BTBD1: variants seen among roughly 807,000 people sequenced by gnomAD.
BTBD1 encodes the protein BTB domain containing 1.
BTBD1 carries 34 observed loss-of-function variants against 48.0 expected under a neutral mutation model. The observed-to-expected ratio is 0.71, with a 90% CI of 0.54 to 0.94. The LOEUF is 0.94. BTBD1 is among the 40% of genes least tolerant of loss of function. The probability of loss-of-function intolerance (pLI) is 0.00; values close to 1 mark genes in which losing one functional copy is unlikely to be tolerated. For synonymous variants in BTBD1, 261 were observed against 242.1 expected (o/e 1.08, Z -0.72); for missense variants, 543 against 625.6 (o/e 0.87, Z 1.41).
At chr15:83,066,202 G>A (rs1252481667) in intron 1 of BTBD1, among the ~76,000 whole-genome samples, 1 of 152,116 alleles carries the variant, frequency 6.6e-6, no homozygotes, top group African/African-American at 2.4e-5. Context: ...GGGAGGCTGA[G>A]GTCGGAGCAT....
In BTBD1 at chr15:83,020,755, CTG is replaced by C; in HGVS notation, c.1061_1062del (p.Thr354SerfsTer2). 3 of 1,593,080 alleles carry C rather than the reference CTG, an allele frequency of 1.9e-6. No homozygotes were observed. The highest frequency in any genetic ancestry group is 1.7e-6 in the Non-Finnish European group (2 of 1,162,610). On this transcript the variant is annotated frameshift_variant, in exon 6 of 8. Coordinates refer to ENST00000261721, the MANE Select transcript of BTBD1 (RefSeq NM_025238.4). LOFTEE classifies it high-confidence loss of function. ...CCAACTATAGAGATCCTTCTATTAA[CTG>C]TGAATCTGAGAGAAAGAAGCCAAAA... ...YSGTSDRIRF[T>X]VNRRISIVGF...
At chr15:83,061,548 C>T (rs764838411) in intron 1 of BTBD1, 1 of 148,148 alleles carries the variant, frequency 6.8e-6, no homozygotes, top group Non-Finnish European at 1.5e-5. Context: ...CAGATTGTGG[C>T]AGAGTGACAT....
At chr15:83,061,560 G>A (rs1052762690) in intron 1 of BTBD1, 3 of 151,824 alleles carry the variant, frequency 2.0e-5, no homozygotes, top group Non-Finnish European at 4.4e-5. Context: ...GAGTGACATT[G>A]CACCAGTCTG....
intron 6 of BTBD1, among the ~76,000 whole-genome samples, chr15:83,019,072 T>G (rs559251772): frequency 2.7e-5 from 4 of 150,050 alleles, no homozygotes; most frequent in African/African-American, 4.9e-5. Flanking sequence ...GTGTGTGTGT[T>G]TTTGAGACAG....
intron 3 of BTBD1, among the ~76,000 whole-genome samples, chr15:83,044,084 G>C (rs2032822156): frequency 6.6e-6 from 1 of 152,108 alleles, no homozygotes; most frequent in Non-Finnish European, 1.5e-5. Context: ...AAGACGTTAA[G>C]CACTTGAAAA....
At chr15:83,062,268 G>GA (rs1419841540) in intron 1 of BTBD1, among the ~76,000 whole-genome samples, 1 of 152,198 alleles carries the variant, frequency 6.6e-6, no homozygotes, top group African/African-American at 2.4e-5. Flanking sequence ...GATGAATGGA[G>GA]AGAGTTAAGT....
intron 1 of BTBD1, among the ~76,000 whole-genome samples, chr15:83,065,075 G>A (rs1388810216): frequency 6.6e-6 from 1 of 152,124 alleles, no homozygotes. Context: ...GTCATATTTA[G>A]TGACTGCATT....
intron 3 of BTBD1, chr15:83,044,534 C>T (rs1596438761): frequency 4.4e-6 from 7 of 1,591,896 alleles, no homozygotes; most frequent in African/African-American, 1.3e-5. Context: ...CCATAAAAAC[C>T]GAGAGCACTT....
intron 5 of BTBD1, chr15:83,029,888 G>GT (rs1300418284): frequency 8.8e-6 from 4 of 455,844 alleles, no homozygotes; most frequent in African/African-American, 2.0e-5. Flanking sequence ...AAAAAATCAC[G>GT]TAACAGAAGG....
In BTBD1 at chr15:83,017,491, A is replaced by G. The variant is rs995055102; in HGVS notation, c.*576T>C. ...ATATCCTTCTCTATAAATGCACTGA[A>G]TATTTTCTTGGGCATTTTATTAGGC... On this transcript the variant is annotated 3_prime_UTR_variant, in exon 8 of 8. Coordinates refer to ENST00000261721, the MANE Select transcript of BTBD1 (RefSeq NM_025238.4). The G allele has an allele frequency of 2.6e-5, 4 of 152,678 alleles. No homozygotes were observed. Among genetic ancestry groups the G allele is most frequent in the African/African-American group, 9.6e-5 (4 of 41,462 alleles). 9.5% of individuals were successfully genotyped at this position (152,678 alleles called of 1,614,324 possible).
At position 83,040,004 on chromosome 15, in the gene BTBD1, CACACACACACACGG is replaced by C. The variant is rs1596435062; in HGVS notation, c.862+1710_862+1723del. Reference sequence around the variant, plus strand: ...AATGTGACACACACACACACACACACACACACACACACGGACACACACACACCACAGAATACTAT... The same window carrying C: ...AATGTGACACACACACACACACACACACACACACACACCACAGAATACTAT... On this transcript the variant is annotated intron_variant, in intron 4 of 7. Coordinates refer to ENST00000261721, the MANE Select transcript of BTBD1 (RefSeq NM_025238.4). Among the ~76,000 whole-genome samples the C allele has an allele frequency of 4.0e-5, 6 of 150,312 alleles. No homozygotes were observed. In the East Asian group the frequency reaches 9.7e-4, roughly 24 times the overall value.
chr15:83,058,624 A>G lies in BTBD1; in HGVS notation c.402-2079T>C, dbSNP rs533048743. Among the ~76,000 whole-genome samples, 15 of 149,602 alleles carry G rather than the reference A, an allele frequency of 1.0e-4. No individual in the cohort carries two copies. In the East Asian group the frequency reaches 2.7e-3, roughly 27 times the overall value. On this transcript the variant is annotated intron_variant, in intron 1 of 7. Transcript: ENST00000261721. ...ACTTAAAAAAATTTTTTTTTAATTA[A>G]AAAAAAAAAGAAATTTTTGTTTGAA... is the stretch of plus-strand genomic sequence containing the variant.
chr15:83,031,098 G>A (rs1046074056), intron 4 of BTBD1, among the ~76,000 whole-genome samples: 4 of 152,244 alleles, frequency 2.6e-5, no homozygotes, highest in African/African-American at 7.2e-5. Flanking sequence ...TTGAGGAATC[G>A]CCACACTATC....
intron 4 of BTBD1, among the ~76,000 whole-genome samples, chr15:83,035,138 A>G (rs1185670739): frequency 1.3e-5 from 2 of 152,036 alleles, no homozygotes; most frequent in African/African-American, 4.8e-5. Flanking sequence ...TACTAAAAAT[A>G]TAAAAATTAG....
rs989496540 is a variant in BTBD1, at chr15:83,030,490, A to G, written c.863-162T>C. ...TGCATATATTTTAAGGTTTCAATAA[A>G]TCCATTTGAGGTTAAACACATTAAT... is the stretch of plus-strand genomic sequence containing the variant. On this transcript the variant is annotated intron_variant, in intron 4 of 7. Coordinates refer to ENST00000261721, the MANE Select transcript of BTBD1 (RefSeq NM_025238.4). 12 of 613,142 alleles carry G rather than the reference A, an allele frequency of 2.0e-5. No homozygotes were observed. In the African/African-American group the frequency reaches 2.2e-4, roughly 11 times the overall value. The allele number at this position is 613,142 out of a possible 1,614,324, so 38.0% of individuals were successfully genotyped here.
intron 6 of BTBD1, among the ~76,000 whole-genome samples, chr15:83,019,799 GT>G (rs1211928912): frequency 6.6e-5 from 10 of 151,262 alleles, no homozygotes; most frequent in Non-Finnish European, 1.2e-4. Context: ...GTTTCACCAT[GT>G]TGGCCAGGCT....
At chr15:83,027,287 C>T (rs573480197) in intron 5 of BTBD1, among the ~76,000 whole-genome samples, 2 of 152,274 alleles carry the variant, frequency 1.3e-5, no homozygotes, top group African/African-American at 4.8e-5. Context: ...GGGAGGTGGA[C>T]GTTGCAGTGA....
At chr15:83,034,544 G>A (rs1462804289) in intron 4 of BTBD1, among the ~76,000 whole-genome samples, 1 of 152,190 alleles carries the variant, frequency 6.6e-6, no homozygotes, top group African/African-American at 2.4e-5. Flanking sequence ...AACCCAGAAG[G>A]TGGACGTTGC....
intron 2 of BTBD1, among the ~76,000 whole-genome samples, chr15:83,050,525 A>G (rs1246755168): frequency 6.6e-6 from 1 of 151,852 alleles, no homozygotes; most frequent in Non-Finnish European, 1.5e-5. Flanking sequence ...TATGTTAGAT[A>G]AGGCTTACAT....
Sources: allele counts gnomAD v4.1 joint callset (sites outside exome capture counted in the v4.1 genomes callset), GRCh38; gene constraint gnomAD v4.1.1; transcripts MANE v1.5; gene names NCBI Gene and HGNC (gene_info 2026-07-23, HGNC 2026-07-21).